ERC1: variants seen among roughly 807,000 people sequenced by gnomAD.
The protein encoded by ERC1 is RAB6 interacting protein 2.
Under a neutral mutation model 132.0 loss-of-function variants are expected in ERC1, and 56 were observed. The observed-to-expected ratio is 0.42, with a 90% CI of 0.34 to 0.53. ERC1 has a LOEUF of 0.53. Among genes scored for constraint, ERC1 ranks in the 20% least tolerant of loss-of-function variants. ERC1 has a pLI of 0.03. For missense variants in ERC1, 1,202 were observed against 1,349.9 expected (o/e 0.89, Z 1.72); for synonymous variants, 478 against 476.1 (o/e 1.00, Z -0.05).
chr12:1,361,167 CTG>C (rs1780547634), intron 15 of ERC1, among the ~76,000 whole-genome samples: 1 of 139,042 alleles, frequency 7.2e-6, no homozygotes, highest in Non-Finnish European at 1.5e-5. Context: ...ACCCACGAAA[CTG>C]AGGATATGCT....
chr12:1,022,644 TAGTG>T (rs1172227778), intron 1 of ERC1, among the ~76,000 whole-genome samples: 4 of 152,128 alleles, frequency 2.6e-5, no homozygotes, highest in African/African-American at 7.2e-5. Flanking sequence ...GCTGTTCTGA[TAGTG>T]AGTGCTCACG....
chr12:1,151,585 T>C (rs1215929981), intron 8 of ERC1, among the ~76,000 whole-genome samples: 2 of 152,208 alleles, frequency 1.3e-5, no homozygotes, highest in African/African-American at 4.8e-5. Context: ...CTTGGAGGTT[T>C]ATACAAATCT....
chr12:1,402,358 C>T (rs1208410640), intron 16 of ERC1, among the ~76,000 whole-genome samples: 3 of 151,980 alleles, frequency 2.0e-5, no homozygotes, highest in South Asian at 2.1e-4. Flanking sequence ...GATGAAACCC[C>T]GTCTCTACTA....
intron 17 of ERC1, among the ~76,000 whole-genome samples, chr12:1,431,946 T>C (rs550468329): frequency 6.6e-6 from 1 of 152,340 alleles, no homozygotes; most frequent in Admixed American, 6.5e-5. Flanking sequence ...GCAATCGCAG[T>C]TCCCTGCAGC....
intron 17 of ERC1, among the ~76,000 whole-genome samples, chr12:1,440,299 G>T (rs2093076153): frequency 6.8e-6 from 1 of 146,072 alleles, no homozygotes; most frequent in African/African-American, 2.6e-5. Context: ...CCGCCTCCTG[G>T]GTTCACGCCA....
intron 16 of ERC1, among the ~76,000 whole-genome samples, chr12:1,378,097 A>G (rs1268454569): frequency 1.3e-5 from 2 of 152,302 alleles, no homozygotes; most frequent in South Asian, 4.1e-4. Flanking sequence ...AAGAATATAA[A>G]TATATTGTTT....
At chr12:1,335,021 C>G (rs1010161616) in intron 15 of ERC1, among the ~76,000 whole-genome samples, 7 of 152,134 alleles carry the variant, frequency 4.6e-5, no homozygotes, top group Non-Finnish European at 1.0e-4. Flanking sequence ...CCTGATTTGG[C>G]TCTTGGCTTG....
intron 2 of ERC1, among the ~76,000 whole-genome samples, chr12:1,074,095 C>T (rs896341574): frequency 6.6e-6 from 1 of 152,004 alleles, no homozygotes; most frequent in Admixed American, 6.6e-5. Context: ...ATCTCTTGAC[C>T]TCGTGATCTG....
intron 4 of ERC1, among the ~76,000 whole-genome samples, chr12:1,109,460 C>A (rs1593348130): frequency 6.6e-6 from 1 of 152,162 alleles, no homozygotes; most frequent in South Asian, 2.1e-4. Context: ...CTTTTTTCCC[C>A]TCCTTTGGGG....
intron 15 of ERC1, among the ~76,000 whole-genome samples, chr12:1,344,076 C>T (rs1486336257): frequency 1.3e-5 from 2 of 152,112 alleles, no homozygotes; most frequent in East Asian, 3.9e-4. Context: ...CTCCTGACCT[C>T]GTGATCCCCC....
chr12:1,077,134 T>C (rs1301391079), intron 2 of ERC1, among the ~76,000 whole-genome samples: 1 of 152,206 alleles, frequency 6.6e-6, no homozygotes, highest in Non-Finnish European at 1.5e-5. Flanking sequence ...ATACTGGTGT[T>C]TTCTCTGACT....
chr12:1,102,094 C>T (rs532305102), intron 3 of ERC1, among the ~76,000 whole-genome samples: 4 of 151,554 alleles, frequency 2.6e-5, no homozygotes, highest in East Asian at 1.9e-4. Context: ...TAATGGAAGC[C>T]GGTTGAAAAT....
At chr12:1,058,711 T>C (rs1035030794) in intron 2 of ERC1, among the ~76,000 whole-genome samples, 2 of 152,104 alleles carry the variant, frequency 1.3e-5, no homozygotes, top group Non-Finnish European at 2.9e-5. Context: ...TTGAGAATTG[T>C]TTTTTTATTT....
intron 2 of ERC1, among the ~76,000 whole-genome samples, chr12:1,076,959 C>T (rs907952333): frequency 6.6e-6 from 1 of 152,186 alleles, no homozygotes; most frequent in African/African-American, 2.4e-5. Flanking sequence ...CTGGGCAGCA[C>T]AGACGGGAAC....
intron 15 of ERC1, among the ~76,000 whole-genome samples, chr12:1,307,247 C>T (rs1415133441): frequency 6.6e-6 from 1 of 152,016 alleles, no homozygotes; most frequent in African/African-American, 2.4e-5. Flanking sequence ...ATGAGTATTG[C>T]GTAAAATAAG....
At chr12:1,337,903 C>T (rs111561088) in intron 15 of ERC1, among the ~76,000 whole-genome samples, 12 of 152,246 alleles carry the variant, frequency 7.9e-5, no homozygotes, top group East Asian at 3.9e-4. Context: ...CTGAGAGGTC[C>T]GCTGTTAGTC....
At chr12:1,158,605 TTC>T (rs1169096557) in intron 8 of ERC1, among the ~76,000 whole-genome samples, 3 of 126,268 alleles carry the variant, frequency 2.4e-5, no homozygotes, top group African/African-American at 1.1e-4. Context: ...AATTTTTCTT[TTC>T]TTTTTTTTTT....
At chr12:1,213,716 C>T (rs1319992283) in intron 12 of ERC1, among the ~76,000 whole-genome samples, 2 of 137,634 alleles carry the variant, frequency 1.5e-5, no homozygotes, top group African/African-American at 2.8e-5. Context: ...CCACCCTAGG[C>T]GACATAGCAA....
At chr12:1,288,277 T>C (rs1051777404) in intron 14 of ERC1, among the ~76,000 whole-genome samples, 6 of 152,178 alleles carry the variant, frequency 3.9e-5, no homozygotes, top group African/African-American at 1.4e-4. Context: ...ATTCTCTTTT[T>C]TGTTTGTTTG....
Sources: gnomAD v4.1 joint callset for allele counts (sites outside exome capture counted in the v4.1 genomes callset) on GRCh38, gnomAD v4.1.1 for gene constraint, MANE v1.5 for transcripts, NCBI Gene and HGNC (gene_info 2026-07-23, HGNC 2026-07-21) for gene names.